The following IQCM variants were observed in gnomAD, a reference collection of about 807,000 sequenced individuals.
IQCM encodes IQ motif containing M.
A neutral mutation model predicts 57.6 loss-of-function variants in IQCM; 45 were observed. The observed-to-expected ratio is 0.78, with a 90% CI of 0.62 to 1.00. IQCM has a LOEUF of 1.00. Ranked by LOEUF, IQCM falls within the 50% of genes least tolerant of loss-of-function variation. The probability of loss-of-function intolerance (pLI) is 0.00; values close to 1 mark genes in which losing one functional copy is unlikely to be tolerated. For missense variants in IQCM, 468 were observed against 511.6 expected, an observed-to-expected ratio of 0.91 and a Z score of 0.82; for synonymous variants, 148 against 158.9, an observed-to-expected ratio of 0.93 and a Z score of 0.51.
intron 5 of IQCM, among the ~76,000 whole-genome samples, chr4:149,725,848 A>C (rs1399475483): frequency 1.3e-5 from 2 of 152,026 alleles, no homozygotes; most frequent in African/African-American, 4.8e-5. Flanking sequence ...AAGAAACCCA[A>C]GAGCTTCTAT....
chr4:149,673,438 C>G (rs1024368674), intron 7 of IQCM, among the ~76,000 whole-genome samples: 1 of 151,834 alleles, frequency 6.6e-6, no homozygotes, highest in African/African-American at 2.4e-5. Context: ...ATCTACCAAG[C>G]AAATGGAAAA....
rs893237680 is a variant in IQCM at position 149,658,861 on chromosome 4, C to T, written c.565+23257G>A. Among the ~76,000 whole-genome samples the T allele has an allele frequency of 2.0e-5, 3 of 151,798 alleles. No individual in the cohort carries two copies. In the East Asian group the frequency reaches 5.8e-4, roughly 29 times the overall value. On this transcript the variant is annotated intron_variant, in intron 7 of 13. Coordinates refer to ENST00000636793, the MANE Select transcript of IQCM (RefSeq NM_001363507.2). ...ACTTTACTGAATTCATTTATTAGTTCTAATATTTTTTGGTGGAGTTGTTAG... is the reference window on the plus strand; with the variant it reads ...ACTTTACTGAATTCATTTATTAGTTTTAATATTTTTTGGTGGAGTTGTTAG...
chr4:149,424,571 A>G (rs1204960664), intron 13 of IQCM, among the ~76,000 whole-genome samples: 2 of 151,828 alleles, frequency 1.3e-5, no homozygotes, highest in East Asian at 1.9e-4. Context: ...AAATCTAGAT[A>G]TTAAAGTTTA....
chr4:149,682,537 T>C (rs1762254689), intron 6 of IQCM, among the ~76,000 whole-genome samples: 2 of 151,186 alleles, frequency 1.3e-5, no homozygotes, highest in African/African-American at 2.4e-5. Context: ...GAGTAGCATG[T>C]TTTCCTAACA....
At chr4:149,715,080 C>T (rs565356808) in intron 5 of IQCM, among the ~76,000 whole-genome samples, 11 of 152,330 alleles carry the variant, frequency 7.2e-5, no homozygotes, top group African/African-American at 2.6e-4. Flanking sequence ...GGAGAGACTA[C>T]TGTCATGGGA....
chr4:149,365,201 G>A (rs1278587831), intron 13 of IQCM, among the ~76,000 whole-genome samples: 1 of 152,036 alleles, frequency 6.6e-6, no homozygotes, highest in Non-Finnish European at 1.5e-5. Flanking sequence ...GCAGAATTGT[G>A]TAGTGACAGC....
At chr4:149,462,062 G>A (rs1175609395) in intron 12 of IQCM, among the ~76,000 whole-genome samples, 2 of 151,932 alleles carry the variant, frequency 1.3e-5, no homozygotes, top group Non-Finnish European at 2.9e-5. Flanking sequence ...TCAATATACT[G>A]TACTTAAAAA....
At chr4:149,494,956 C>T (rs1742500596) in intron 12 of IQCM, among the ~76,000 whole-genome samples, 1 of 152,048 alleles carries the variant, frequency 6.6e-6, no homozygotes, top group African/African-American at 2.4e-5. Flanking sequence ...TCATGGTCTA[C>T]TGTAGTAAGA....
At chr4:149,487,016 T>C (rs1042999695) in intron 12 of IQCM, among the ~76,000 whole-genome samples, 55 of 152,030 alleles carry the variant, frequency 3.6e-4, no homozygotes, top group Non-Finnish European at 1.0e-4. Context: ...TCTTTCACCA[T>C]AGACACCACA....
chr4:149,399,055 A>C (rs1169665774), intron 13 of IQCM, among the ~76,000 whole-genome samples: 1 of 151,972 alleles, frequency 6.6e-6, no homozygotes, highest in African/African-American at 2.4e-5. Context: ...TTCTTGATGG[A>C]TATTTGGCTT....
At chr4:149,375,608 A>C (rs2111004416) in intron 13 of IQCM, among the ~76,000 whole-genome samples, 1 of 152,304 alleles carries the variant, frequency 6.6e-6, no homozygotes. Flanking sequence ...TGGAAAGAAT[A>C]AGCACTTTTT....
At chr4:149,361,507 G>A (rs1039434453) in intron 13 of IQCM, among the ~76,000 whole-genome samples, 1 of 152,182 alleles carries the variant, frequency 6.6e-6, no homozygotes, top group Admixed American at 6.5e-5. Context: ...CCTGTGCTGT[G>A]TGCAGCCTAG....
intron 13 of IQCM, among the ~76,000 whole-genome samples, chr4:149,400,944 G>A (rs1732577753): frequency 1.3e-5 from 2 of 151,800 alleles, no homozygotes; most frequent in South Asian, 4.1e-4. Context: ...TGCTATTGCT[G>A]TATACTTTGC....
At chr4:149,651,568 T>C (rs1340642720) in intron 7 of IQCM, among the ~76,000 whole-genome samples, 5 of 151,792 alleles carry the variant, frequency 3.3e-5, no homozygotes, top group African/African-American at 1.2e-4. Context: ...ATTCACCACA[T>C]TAAAAGTGAA....
chr4:149,576,407 C>T (rs1183955856), intron 9 of IQCM, among the ~76,000 whole-genome samples: 1 of 151,704 alleles, frequency 6.6e-6, no homozygotes, highest in Non-Finnish European at 1.5e-5. Context: ...ATTTCAGTAG[C>T]TTTAAGGGTA....
chr4:149,760,921 T>C (rs1175604030), intron 2 of IQCM, among the ~76,000 whole-genome samples: 1 of 152,132 alleles, frequency 6.6e-6, no homozygotes, highest in Non-Finnish European at 1.5e-5. Flanking sequence ...CCAAAGTCTT[T>C]TGTATTTTAA....
chr4:149,525,482 G>A (rs966193005), intron 12 of IQCM, among the ~76,000 whole-genome samples: 1 of 151,736 alleles, frequency 6.6e-6, no homozygotes, highest in African/African-American at 2.4e-5. Context: ...CCCTTAACTA[G>A]ATTTAAGCAT....
chr4:149,631,158 C>T (rs1229811283), intron 7 of IQCM, among the ~76,000 whole-genome samples: 1 of 152,146 alleles, frequency 6.6e-6, no homozygotes, highest in Admixed American at 6.5e-5. Context: ...GTATACAACA[C>T]TTTACACATG....
chr4:149,680,016 T>A (rs149569243), intron 7 of IQCM, among the ~76,000 whole-genome samples: 22 of 151,540 alleles, frequency 1.5e-4, no homozygotes, highest in African/African-American at 5.1e-4. Context: ...ACAAAATAAG[T>A]TGGTGGCCAT....
Sources: allele counts gnomAD v4.1 joint callset (sites outside exome capture counted in the v4.1 genomes callset), GRCh38; gene constraint gnomAD v4.1.1; transcripts MANE v1.5; gene names NCBI Gene and HGNC (gene_info 2026-07-23, HGNC 2026-07-21).